PPAN: variants seen among roughly 807,000 people sequenced by gnomAD.
PPAN encodes the protein peter pan homolog.
Under a neutral mutation model 48.5 loss-of-function variants are expected in PPAN, and 39 were observed. That is an observed-to-expected ratio of 0.80 (90% CI 0.62 to 1.05). The LOEUF is 1.05. PPAN is among the 50% of genes least tolerant of loss of function. The pLI, the probability that PPAN is intolerant of heterozygous loss-of-function variation, is 0.00. For missense variants in PPAN, 736 were observed against 661.7 expected, an observed-to-expected ratio of 1.11 and a Z score of -1.23; for synonymous variants, 315 against 268.6, an observed-to-expected ratio of 1.17 and a Z score of -1.69.
At chr19:10,108,813 C>T (rs1202148610) in intron 5 of PPAN, among the ~76,000 whole-genome samples, 1 of 151,162 alleles carries the variant, frequency 6.6e-6, no homozygotes, top group Non-Finnish European at 1.5e-5. Context: ...TTCCAGGGGG[C>T]AGGACTGGAT....
At chr19:10,107,112 A>G (rs2088856933) in intron 2 of PPAN, 3 of 420,712 alleles carry the variant, frequency 7.1e-6, no homozygotes, top group South Asian at 1.9e-5. Flanking sequence ...CCTTGAGCCC[A>G]GGAAATTAAG....
chr19:10,106,471 G>C, intron 1 of PPAN, 30 bp from the exon 2 acceptor site: 1 of 1,548,756 alleles, frequency 6.5e-7, no homozygotes. Context: ...CGAGGTCGCG[G>C]CGCTGACCCT....
chr19:10,108,178 G>A (rs11880428), intron 5 of PPAN, 44 bp downstream of exon 5: 78 of 1,565,770 alleles, frequency 5.0e-5, no homozygotes, highest in Non-Finnish European at 6.1e-5. Flanking sequence ...GGGGTGCAGC[G>A]GATAGAGGTG....
Position 10,110,814 on chromosome 19 carries a change from A to G in PPAN, c.1149A>G (p.Glu383=), listed in dbSNP as rs1410278181. 10 of 1,613,910 alleles carry G rather than the reference A, an allele frequency of 6.2e-6. No individual in the cohort carries two copies. The highest frequency in any genetic ancestry group is 2.7e-5 in the African/African-American group (2 of 74,914). The part of the protein sequence containing the change: ...LELGEDDDEQ[E]DDDIEYFCQA... ...TGGGTGAGGACGATGATGAACAGGAAGATGATGACATCGAGTATTTCTGCC... is the reference window on the plus strand; with the variant it reads ...TGGGTGAGGACGATGATGAACAGGAGGATGATGACATCGAGTATTTCTGCC... Residue 383 remains glutamate (E), a synonymous_variant, in exon 11 of 12, where the codon GAA becomes GAG. Transcript: ENST00000253107. The surrounding 1 kb of genome is among the most constrained non-coding windows in gnomAD (Gnocchi z 5.9).
At position 10,108,029 on chromosome 19, in the gene PPAN, C is replaced by T. The variant is rs747540554; in HGVS notation, c.408C>T (p.Ala136=). The change falls in exon 5 of 12, where the codon GCC becomes GCT. Residue 136 remains alanine (A), a synonymous_variant. Coordinates refer to ENST00000253107, the MANE Select transcript of PPAN (RefSeq NM_020230.7). ...RRHRMHEQQF[A]HPPLLVLNSF... ...ACCGCATGCACGAGCAGCAGTTTGC[C>T]CACCCACCCCTCCTGGTACTCAACA... is the stretch of plus-strand genomic sequence containing the variant. The T allele has an allele frequency of 5.6e-6, 9 of 1,613,642 alleles. No individual in the cohort carries two copies. The East Asian group carries it at 8.9e-5, about 16-fold the overall frequency.
intron 2 of PPAN, 39 bp downstream of exon 2, chr19:10,106,710 G>T: frequency 1.3e-6 from 2 of 1,496,396 alleles, no homozygotes; most frequent in Non-Finnish European, 1.8e-6. Flanking sequence ...ACCCACCCTC[G>T]GCCTAGTCTT....
chr19:10,110,303 G>C lies in PPAN; in HGVS notation c.823-21G>C, dbSNP rs375572743. 3.4e-5 allele frequency: 55 copies of C among 1,613,408 alleles called. No homozygotes were observed. Among genetic ancestry groups the C allele is most frequent in the African/African-American group, 1.1e-4 (8 of 74,934 alleles). On this transcript the variant is annotated intron_variant, in intron 8 of 11. Coordinates refer to ENST00000253107, the MANE Select transcript of PPAN (RefSeq NM_020230.7). This position sits in a 1 kb window ranked among gnomAD's most constrained non-coding sequence, Gnocchi z 5.9. ...CCACCAGTCCCAACGGTGGGCTGAC[G>C]CTTCTTCCTCGTCCCCTCAGATCGG...
At chr19:10,107,446 T>A in intron 2 of PPAN, 59 bp from the exon 3 acceptor site, 1 of 1,579,704 alleles carries the variant, frequency 6.3e-7, no homozygotes. Context: ...ACCGTCAGCT[T>A]ATAGTTGTCA....
In PPAN at chr19:10,110,046, C is replaced by T; in HGVS notation, c.698+26C>T. On this transcript the variant is annotated intron_variant, in intron 7 of 11. Transcript: ENST00000253107. This position sits in a 1 kb window ranked among gnomAD's most constrained non-coding sequence, Gnocchi z 5.9. ...GTGAGGAGGGCATAGGGCGGGAGGC[C>T]ACTGCGGCCCGGGGACCCCAGAACA... The T allele has an allele frequency of 6.2e-7, 1 of 1,612,294 alleles. No individual in the cohort carries two copies. The highest frequency in any genetic ancestry group is 8.5e-7 in the Non-Finnish European group (1 of 1,178,946).
In PPAN at chr19:10,106,655, C is replaced by G; in HGVS notation, c.173C>G (p.Thr58Ser). The stretch of plus-strand genomic sequence containing the variant: ...GTGCGGCGGGTCATGGAGCCGCTCA[C>G]TGCCAGCCGTCTGCAGGTTTGTACC... ...LDVRRVMEPL[T>S]ASRLQVRKKN... The change falls in exon 2 of 12, where the codon ACT (threonine) becomes AGT (serine). Residue 58 changes from threonine (T) to serine (S), a missense_variant. Coordinates refer to ENST00000253107, the MANE Select transcript of PPAN (RefSeq NM_020230.7). The G allele has an allele frequency of 6.5e-7, 1 of 1,538,918 alleles. No individual in the cohort carries two copies. Among genetic ancestry groups the G allele is most frequent in the Non-Finnish European group, 8.8e-7 (1 of 1,140,826 alleles).
Position 10,111,660 on chromosome 19 carries a change from G to C in PPAN, c.*495G>C. On this transcript the variant is annotated 3_prime_UTR_variant, in exon 12 of 12. Transcript: ENST00000253107. ...TGGGGCAGGGCCCACTAAGCCACTG[G>C]TGACTGGGGGAGGGGCTGGGGAACT... is the stretch of plus-strand genomic sequence containing the variant. 1 of 1,610,392 alleles carries C rather than the reference G, an allele frequency of 6.2e-7. No individual in the cohort carries two copies. Among genetic ancestry groups the C allele is most frequent in the Non-Finnish European group, 8.5e-7 (1 of 1,177,568 alleles).
rs2088831843 is a variant in PPAN at position 10,106,590 on chromosome 19, A to C, written c.108A>C (p.Arg36=). The C allele has an allele frequency of 6.4e-7, 1 of 1,551,598 alleles. No individual in the cohort carries two copies. The highest frequency in any genetic ancestry group is 8.7e-7 in the Non-Finnish European group (1 of 1,148,498). The change falls in exon 2 of 12, where the codon CGA becomes CGC. Residue 36 remains arginine (R), a synonymous_variant. Coordinates refer to ENST00000253107, the MANE Select transcript of PPAN (RefSeq NM_020230.7). ...ACCCGCACTCGTTCGTGTTCACGCG[A>C]GGCTGCACGGGTCGCAACATCCGGC... ...AANPHSFVFT[R]GCTGRNIRQL... is the part of the protein sequence containing the mutation.
rs1226662730 is a variant in PPAN, at chr19:10,111,029, G to C, written c.1286G>C (p.Gly429Ala). The C allele has an allele frequency of 1.2e-6, 2 of 1,613,710 alleles. No homozygotes were observed. The highest frequency in any genetic ancestry group is 2.2e-5 in the South Asian group (2 of 91,086). ...RKRWEMDRGR[G>A]RLCDQKFPKT... The stretch of plus-strand genomic sequence containing the variant: ...CGGTGGGAAATGGATCGAGGCAGGG[G>C]TCGCCTTTGTGACCAGAAGTTTCCC... Residue 429 changes from glycine to alanine, a missense_variant, in exon 12 of 12, where the codon GGT (glycine) becomes GCT (alanine). By Grantham distance (60) the Gly-to-Ala change is moderately conservative (BLOSUM62 0). Transcript: ENST00000253107.
In PPAN at chr19:10,109,662, T is replaced by C. The variant is rs779718465; in HGVS notation, c.545T>C (p.Leu182Pro). ...VNLNTIKRCLLIDYNPDSQEL... is the reference protein window; with the variant it reads ...VNLNTIKRCLPIDYNPDSQEL... ...CTGAACACCATCAAGCGCTGCCTCC[T>C]CATCGACTACAACCCCGACTCCCAG... Residue 182 changes from leucine to proline, a missense_variant, in exon 6 of 12, where the codon CTC becomes CCC. Leu to Pro is a moderately conservative substitution (Grantham distance 98, BLOSUM62 -3). Coordinates refer to ENST00000253107, the MANE Select transcript of PPAN (RefSeq NM_020230.7). 6.2e-7 allele frequency: 1 copy of C among 1,613,998 alleles called. No individual in the cohort carries two copies. The highest frequency in any genetic ancestry group is 2.2e-5 in the East Asian group (1 of 44,886).
At chr19:10,107,421 C>A in intron 2 of PPAN, 84 bp from the exon 3 acceptor site, 1 of 1,450,432 alleles carries the variant, frequency 6.9e-7, no homozygotes, top group Non-Finnish European at 9.4e-7. Context: ...CAAGACAGAC[C>A]ATAACAGGAT....
chr19:10,107,438 C>A, intron 2 of PPAN, 67 bp from the exon 3 acceptor site: 1 of 1,541,324 alleles, frequency 6.5e-7, no homozygotes, highest in South Asian at 1.1e-5. Context: ...GGATCTGCAC[C>A]GTCAGCTTAT....
rs201708953 is a variant in PPAN, at chr19:10,110,517, C to G, written c.934C>G (p.Leu312Val). ...GACGGAGGAGGAGCTGCAGGCCATCCTGGAAGCCAAGGAGAAGAAGCTGCG... is the reference window on the plus strand; with the variant it reads ...GACGGAGGAGGAGCTGCAGGCCATCGTGGAAGCCAAGGAGAAGAAGCTGCG... Reference protein sequence around the residue: ...SKTEEELQAILEAKEKKLRLK... With the variant: ...SKTEEELQAIVEAKEKKLRLK... The change falls in exon 10 of 12, where the codon CTG (leucine) becomes GTG (valine). Residue 312 changes from leucine to valine, a missense_variant. By Grantham distance (32) the Leu-to-Val change is conservative. Coordinates refer to ENST00000253107, the MANE Select transcript of PPAN (RefSeq NM_020230.7). The surrounding 1 kb of genome is among the most constrained non-coding windows in gnomAD (Gnocchi z 5.9). 2.3e-4 allele frequency: 367 copies of G among 1,612,458 alleles called. No homozygotes were observed. Among genetic ancestry groups the G allele is most frequent in the Non-Finnish European group, 2.8e-4 (328 of 1,179,834 alleles).
rs2089098157 is a variant in PPAN, at chr19:10,111,993, C to G, written c.*828C>G. 2.1e-6 allele frequency: 1 copy of G among 466,744 alleles called. No individual in the cohort carries two copies. Among genetic ancestry groups the G allele is most frequent in the Non-Finnish European group, 3.9e-6 (1 of 256,340 alleles). 28.9% of individuals were successfully genotyped at this position (466,744 alleles called of 1,614,324 possible). On this transcript the variant is annotated 3_prime_UTR_variant, in exon 12 of 12. Transcript: ENST00000253107. The stretch of plus-strand genomic sequence containing the variant: ...GGCCTGGTGGCACATGCCTGTAATC[C>G]CAGCTACTCGGGAGGCTGAGACAAG...
Position 10,111,627 on chromosome 19 carries a change from G to C in PPAN, c.*462G>C. 1 of 1,519,364 alleles carries C rather than the reference G, an allele frequency of 6.6e-7. No individual in the cohort carries two copies. Among genetic ancestry groups the C allele is most frequent in the Non-Finnish European group, 9.1e-7 (1 of 1,097,398 alleles). The allele number at this position is 1,519,364 out of a possible 1,614,324, so 94.1% of individuals were successfully genotyped here. A position where few individuals can be genotyped will look rare whatever the true frequency, so the allele number is the denominator to read the frequency against. On this transcript the variant is annotated 3_prime_UTR_variant, in exon 12 of 12. Transcript: ENST00000253107. ...TCTGCTGGCTGGGCCAGTAACTGGG[G>C]ATGGGGCTGGGGCAGGGCCCACTAA...
Sources: gnomAD v4.1 joint callset for allele counts (sites outside exome capture counted in the v4.1 genomes callset) on GRCh38, gnomAD v4.1.1 for gene constraint, Gnocchi (gnomAD v3.1) non-coding constraint, MANE v1.5 for transcripts, NCBI Gene and HGNC (gene_info 2026-07-23, HGNC 2026-07-21) for gene names.